ELSPBP1: variants seen among roughly 807,000 people sequenced by gnomAD.
The protein encoded by ELSPBP1 is epididymal sperm-binding protein 1.
ELSPBP1 carries 38 observed loss-of-function variants against 33.3 expected under a neutral mutation model. That is an observed-to-expected ratio of 1.14 (90% CI 0.88 to 1.50). The LOEUF (loss-of-function observed/expected upper bound fraction) is 1.50. ELSPBP1 is among the 40% of genes most tolerant of loss of function. ELSPBP1 has a pLI of 0.00. For missense variants in ELSPBP1, 267 were observed against 263.5 expected (o/e 1.01, Z -0.09); for synonymous variants, 85 against 94.1 (o/e 0.90, Z 0.56).
At chr19:48,023,479 GA>G (rs1967230291) in intron 6 of ELSPBP1, among the ~76,000 whole-genome samples, 1 of 67,570 alleles carries the variant, frequency 1.5e-5, no homozygotes, top group Non-Finnish European at 4.1e-5. Flanking sequence ...AGGAAGGGAG[GA>G]GGGAAGGGAG....
chr19:48,019,176 G>A (rs753448372), intron 4 of ELSPBP1, among the ~76,000 whole-genome samples: 1 of 151,892 alleles, frequency 6.6e-6, no homozygotes, highest in African/African-American at 2.4e-5. Context: ...ATAACGTCTC[G>A]AAGTGGGGAG....
At chr19:47,998,684 G>A (rs570699096) in intron 1 of ELSPBP1, among the ~76,000 whole-genome samples, 1 of 151,956 alleles carries the variant, frequency 6.6e-6, no homozygotes, top group South Asian at 2.1e-4. Flanking sequence ...CTACGCGGGA[G>A]GCTGAGGCAG....
At chr19:48,000,075 C>T (rs1350268534) in intron 1 of ELSPBP1, among the ~76,000 whole-genome samples, 2 of 152,086 alleles carry the variant, frequency 1.3e-5, no homozygotes, top group Admixed American at 6.6e-5. Flanking sequence ...ATCCTCCCAC[C>T]TTGGCCTCCC....
intron 6 of ELSPBP1, among the ~76,000 whole-genome samples, chr19:48,023,281 G>A (rs189484042): frequency 2.2e-5 from 3 of 139,096 alleles, no homozygotes; most frequent in African/African-American, 8.0e-5. Context: ...AAGAAGAAAG[G>A]AGGGAGGAAA....
At chr19:48,023,382 G>GGA (rs1967226186) in intron 6 of ELSPBP1, among the ~76,000 whole-genome samples, 1 of 72,296 alleles carries the variant, frequency 1.4e-5, no homozygotes, top group African/African-American at 4.4e-5. Flanking sequence ...GAGAGGAAAG[G>GGA]AGGGAGGAGG....
intron 5 of ELSPBP1, among the ~76,000 whole-genome samples, chr19:48,020,998 C>T (rs1967194048): frequency 6.6e-6 from 1 of 152,142 alleles, no homozygotes; most frequent in Non-Finnish European, 1.5e-5. Context: ...GATGTGACAG[C>T]AAAAATTGAG....
chr19:48,010,307 A>G (rs1398517571), intron 2 of ELSPBP1, among the ~76,000 whole-genome samples: 1 of 152,136 alleles, frequency 6.6e-6, no homozygotes, highest in African/African-American at 2.4e-5. Context: ...TCTAGTTATA[A>G]TCTCATTTTT....
intron 1 of ELSPBP1, among the ~76,000 whole-genome samples, chr19:47,996,950 G>A (rs1224424439): frequency 6.6e-6 from 1 of 152,058 alleles, no homozygotes; most frequent in East Asian, 1.9e-4. Flanking sequence ...TCTATAGCAC[G>A]CATTGTCTTA....
chr19:48,020,956 T>A (rs563207138), intron 5 of ELSPBP1, among the ~76,000 whole-genome samples: 9 of 149,716 alleles, frequency 6.0e-5, no homozygotes, highest in African/African-American at 1.7e-4. Context: ...CTTTCCTAAA[T>A]AAAATAAATT....
intron 2 of ELSPBP1, among the ~76,000 whole-genome samples, chr19:48,010,193 A>G (rs1446713458): frequency 2.0e-5 from 3 of 152,228 alleles, no homozygotes; most frequent in Non-Finnish European, 4.4e-5. Flanking sequence ...ATATTCTCCT[A>G]GAGAGAAGTT....
chr19:48,005,537 G>A (rs1240536112), intron 1 of ELSPBP1, among the ~76,000 whole-genome samples: 1 of 152,162 alleles, frequency 6.6e-6, no homozygotes, highest in Non-Finnish European at 1.5e-5. Context: ...CATATTTTGG[G>A]CTGTATCTCA....
At position 48,005,407 on chromosome 19, in the gene ELSPBP1, A is replaced by G. The variant is rs73941437; in HGVS notation, c.-17-3244A>G. Among the ~76,000 whole-genome samples, 639 of 152,040 alleles carry G rather than the reference A, an allele frequency of 4.2e-3. 4 individuals are homozygous for G. Among genetic ancestry groups the G allele is most frequent in the African/African-American group, 0.015 (618 of 41,476 alleles). ...AGATTCAGGAGCTCCAGAAAGTAGA[A>G]CCAACTGACTGATAGAACACAGCAA... On this transcript the variant is annotated intron_variant, in intron 1 of 6. Coordinates refer to ENST00000339841, the MANE Select transcript of ELSPBP1 (RefSeq NM_022142.5).
At chr19:48,014,147 C>A (rs1265158318) in intron 2 of ELSPBP1, 24 bp from the exon 3 acceptor site, 1 of 1,609,850 alleles carries the variant, frequency 6.2e-7, no homozygotes, top group Admixed American at 1.7e-5. Context: ...TTCCCCACTC[C>A]TGTTTTCTCC....
At chr19:48,003,035 G>C (rs1966982523) in intron 1 of ELSPBP1, among the ~76,000 whole-genome samples, 1 of 152,148 alleles carries the variant, frequency 6.6e-6, no homozygotes. Flanking sequence ...AGCAGCGGTG[G>C]CAGGATGCTG....
At chr19:48,007,914 T>C (rs2122304611) in intron 1 of ELSPBP1, among the ~76,000 whole-genome samples, 2 of 152,320 alleles carry the variant, frequency 1.3e-5, no homozygotes, top group South Asian at 4.1e-4. Flanking sequence ...GTGTTGAACA[T>C]CGAGCCTGGA....
At chr19:48,012,865 C>T (rs552736355) in intron 2 of ELSPBP1, among the ~76,000 whole-genome samples, 5 of 152,302 alleles carry the variant, frequency 3.3e-5, no homozygotes, top group East Asian at 1.9e-4. Flanking sequence ...AGCACTACCA[C>T]TTTCCATAAA....
At chr19:48,018,174 T>A (rs1281596164) in intron 4 of ELSPBP1, among the ~76,000 whole-genome samples, 1 of 152,182 alleles carries the variant, frequency 6.6e-6, no homozygotes, top group Non-Finnish European at 1.5e-5. Flanking sequence ...CATGCTACTG[T>A]CTCCATGAAC....
chr19:47,996,526 G>A (rs1349224979), intron 1 of ELSPBP1, among the ~76,000 whole-genome samples: 1 of 152,110 alleles, frequency 6.6e-6, no homozygotes, highest in African/African-American at 2.4e-5. Flanking sequence ...GGAAGAATGG[G>A]TGGAAGGATG....
intron 4 of ELSPBP1, among the ~76,000 whole-genome samples, chr19:48,016,463 TC>T (rs1967135853): frequency 5.2e-5 from 1 of 19,096 alleles, no homozygotes; most frequent in Non-Finnish European, 9.4e-5. Flanking sequence ...TTCTTTTCTT[TC>T]CTTCTTTCTT....
Sources: gnomAD v4.1 joint callset for allele counts (sites outside exome capture counted in the v4.1 genomes callset) on GRCh38, gnomAD v4.1.1 for gene constraint, MANE v1.5 for transcripts, NCBI Gene and HGNC (gene_info 2026-07-23, HGNC 2026-07-21) for gene names.